The following EML1 variants were observed in gnomAD, a reference collection of about 807,000 sequenced individuals.
EML1 encodes the protein echinoderm microtubule-associated protein-like 1.
In EML1, 27 loss-of-function variants were observed where a neutral mutation model predicts 110.4. The ratio of observed to expected loss-of-function variants is 0.24; its 90% CI spans 0.18 to 0.34. The LOEUF is 0.34. Among genes scored for constraint, EML1 ranks in the 10% least tolerant of loss-of-function variants. EML1 has a pLI of 1.00. For synonymous variants in EML1, 344 were observed against 385.8 expected, an observed-to-expected ratio of 0.89 and a Z score of 1.27; for missense variants, 741 against 1,030.9, an observed-to-expected ratio of 0.72 and a Z score of 3.85.
chr14:99,888,177 C>T (rs1224700114), intron 4 of EML1, among the ~76,000 whole-genome samples: 1 of 152,232 alleles, frequency 6.6e-6, no homozygotes, highest in Admixed American at 6.5e-5. Context: ...CCTCCTCTCT[C>T]AATGACCTTA....
At position 99,936,422 on chromosome 14, in the gene EML1, C is replaced by T. The variant is rs944997846; in HGVS notation, c.2095+88C>T. On this transcript the variant is annotated intron_variant, in intron 19 of 21. Transcript: ENST00000262233. This position sits in a 1 kb window ranked among gnomAD's most constrained non-coding sequence, Gnocchi z 5.5. Reference sequence around the variant, plus strand: ...GGGGGCCTCTGTGAGAACCCACCTCCTGTATGACTTAGGCACGTGCCATCA... The same window carrying T: ...GGGGGCCTCTGTGAGAACCCACCTCTTGTATGACTTAGGCACGTGCCATCA... The T allele has an allele frequency of 8.2e-7, 1 of 1,223,178 alleles. No individual in the cohort carries two copies. Among genetic ancestry groups the T allele is most frequent in the Non-Finnish European group, 1.2e-6 (1 of 845,004 alleles). The allele number at this position is 1,223,178 out of a possible 1,614,324, so 75.8% of individuals were successfully genotyped here.
chr14:99,798,835 T>G (rs886701446), intron 1 of EML1, among the ~76,000 whole-genome samples: 2 of 152,194 alleles, frequency 1.3e-5, no homozygotes, highest in Non-Finnish European at 2.9e-5. Context: ...TAATTACCTT[T>G]TTTTTTTGAG....
At chr14:99,760,443 T>C (rs2057303145) in intron 1 of EML1, among the ~76,000 whole-genome samples, 1 of 151,976 alleles carries the variant, frequency 6.6e-6, no homozygotes, top group African/African-American at 2.4e-5. Flanking sequence ...GAACATGGAG[T>C]GAAATGTACT....
chr14:99,889,301 C>T (rs1388359893), intron 4 of EML1, among the ~76,000 whole-genome samples: 1 of 152,174 alleles, frequency 6.6e-6, no homozygotes. Flanking sequence ...CACCACCACC[C>T]ACCAGGCACA....
At position 99,883,084 on chromosome 14, in the gene EML1, C is replaced by G. The variant is rs1210880842; in HGVS notation, c.518+4465C>G. ...CACTGCTGCCGTCGGCTCAACAGTA[C>G]TCCTTGGCTGGGGCTCTGGGCCCTT... On this transcript the variant is annotated intron_variant, in intron 4 of 21. Transcript: ENST00000262233. Among the ~76,000 whole-genome samples the G allele has an allele frequency of 7.9e-5, 12 of 152,164 alleles. No individual in the cohort carries two copies. In the East Asian group the frequency reaches 2.3e-3, roughly 29 times the overall value.
In EML1 at chr14:99,758,433, C is replaced by T. The variant is rs148152425; in HGVS notation, c.28+20573C>T. Among the ~76,000 whole-genome samples the T allele has an allele frequency of 3.1e-3, 477 of 152,282 alleles. 1 individual carries two copies. Among genetic ancestry groups the T allele is most frequent in the Admixed American group, 5.0e-3 (76 of 15,300 alleles). ...GGGGAGGAGACCTGCCTCAGTACCC[C>T]GGGAAATGTTGCTGATGCACCCTGA... On this transcript the variant is annotated intron_variant, in intron 1 of 10. Coordinates refer to the EML1 transcript ENST00000554479.
intron 1 of EML1, among the ~76,000 whole-genome samples, chr14:99,810,003 A>G (rs2139710066): frequency 6.6e-6 from 1 of 152,304 alleles, no homozygotes; most frequent in East Asian, 1.9e-4. Context: ...CCGGCCCTGT[A>G]CCGCGTCTGG....
chr14:99,936,869 TGCCAC>T lies in EML1; in HGVS notation c.2095+538_2095+542del, dbSNP rs1566948277. On this transcript the variant is annotated intron_variant, in intron 19 of 21. Transcript: ENST00000262233. The surrounding 1 kb of genome is among the most constrained non-coding windows in gnomAD (Gnocchi z 5.5). ...GCGGGCACTTACAAGCACATCCTCA[TGCCAC>T]GCACTGGTTCCTTAGACACCCACCA... Among the ~76,000 whole-genome samples, 1 of 152,152 alleles carries T rather than the reference TGCCAC, an allele frequency of 6.6e-6. No individual in the cohort carries two copies. The highest frequency in any genetic ancestry group is 1.5e-5 in the Non-Finnish European group (1 of 68,012).
rs61986020 is a variant in EML1, at chr14:99,906,635, C to T, written c.1009-1003C>T. ...TCTTGTGCCAACCTCCTATCTCATT[C>T]TGTGACCTAGAATGCCTAACCATCT... On this transcript the variant is annotated intron_variant, in intron 9 of 21. Transcript: ENST00000262233. Among the ~76,000 whole-genome samples, 1,490 of 152,324 alleles carry T rather than the reference C, an allele frequency of 9.8e-3. 18 individuals are homozygous for T. The highest frequency in any genetic ancestry group is 0.017 in the Non-Finnish European group (1,134 of 68,022).
intron 1 of EML1, among the ~76,000 whole-genome samples, chr14:99,846,375 C>T (rs2058708698): frequency 6.6e-6 from 1 of 151,118 alleles, no homozygotes; most frequent in African/African-American, 2.4e-5. Flanking sequence ...CTTCACCTCC[C>T]AGGTTCAAGC....
rs1191247781 is a variant in EML1 at position 99,802,693 on chromosome 14, A to C, written c.67+9150A>C. On this transcript the variant is annotated intron_variant, in intron 1 of 21. Transcript: ENST00000262233. ...AGGTGGTTTGGGCTTGTGGGGTAGGAGGACATATGGGATACAAGCTGAGGT... is the reference window on the plus strand; with the variant it reads ...AGGTGGTTTGGGCTTGTGGGGTAGGCGGACATATGGGATACAAGCTGAGGT... Among the ~76,000 whole-genome samples the C allele has an allele frequency of 2.0e-5, 3 of 151,870 alleles. No individual in the cohort carries two copies. In the East Asian group the frequency reaches 5.8e-4, roughly 29 times the overall value.
At chr14:99,826,011 T>C (rs1485273294) in intron 1 of EML1, among the ~76,000 whole-genome samples, 2 of 152,062 alleles carry the variant, frequency 1.3e-5, no homozygotes, top group Non-Finnish European at 2.9e-5. Flanking sequence ...TGTACAACAG[T>C]AGGCAATTGT....
intron 9 of EML1, 127 bp from the exon 10 acceptor site, chr14:99,907,511 G>T: frequency 1.3e-6 from 1 of 784,048 alleles, no homozygotes; most frequent in Non-Finnish European, 2.0e-6. Context: ...AAAAGCAATG[G>T]ATGAGTATTC....
chr14:99,837,155 C>G (rs574787062), intron 1 of EML1, among the ~76,000 whole-genome samples: 2 of 152,210 alleles, frequency 1.3e-5, no homozygotes, highest in Non-Finnish European at 2.9e-5. Context: ...CCCCATTACC[C>G]TCTCTGCGAA....
chr14:99,940,112 G>A lies in EML1; in HGVS notation c.2448G>A (p.Ter816=), dbSNP rs149556284. The stretch of plus-strand genomic sequence containing the variant: ...GCATCATGCAGTGGCGCGTCATTTA[G>A]TACCCACCGAGAGCTGTGGGGAGCA... ...DTSIMQWRVI[*] is the part of the protein sequence containing the mutation. Residue 816 remains the stop codon, a stop_retained_variant, in exon 22 of 22, where the codon TAG becomes TAA. Coordinates refer to ENST00000262233, the MANE Select transcript of EML1 (RefSeq NM_004434.3). 8 of 1,575,452 alleles carry A rather than the reference G, an allele frequency of 5.1e-6. No individual in the cohort carries two copies. The African/African-American group carries it at 5.5e-5, about 11-fold the overall frequency.
intron 9 of EML1, 116 bp downstream of exon 9, chr14:99,901,155 T>G (rs939910277): frequency 2.3e-6 from 2 of 851,356 alleles, no homozygotes; most frequent in Non-Finnish European, 3.8e-6. Flanking sequence ...ATGTACAGAT[T>G]TGGACTCTGA....
At chr14:99,891,083 T>G in intron 4 of EML1, 116 bp from the exon 5 acceptor site, 1 of 1,182,186 alleles carries the variant, frequency 8.5e-7, no homozygotes, top group Non-Finnish European at 1.2e-6. Flanking sequence ...TTAACGTGTA[T>G]AACTTATGCA....
In EML1 at chr14:99,880,568, G is replaced by A. The variant is rs142194141; in HGVS notation, c.518+1949G>A. ...AATTTCTGTTTTTAAACATTACTGCGTTCAGTGGACTCAAGATGGCATGCC... is the reference window on the plus strand; with the variant it reads ...AATTTCTGTTTTTAAACATTACTGCATTCAGTGGACTCAAGATGGCATGCC... On this transcript the variant is annotated intron_variant, in intron 4 of 21. Coordinates refer to ENST00000262233, the MANE Select transcript of EML1 (RefSeq NM_004434.3). 1.7e-4 allele frequency among the ~76,000 whole-genome samples: 26 copies of A among 152,254 alleles called. No homozygotes were observed. In the East Asian group the frequency reaches 4.8e-3, roughly 28 times the overall value.
At chr14:99,873,696 A>G (rs2059242009) in intron 3 of EML1, among the ~76,000 whole-genome samples, 1 of 152,232 alleles carries the variant, frequency 6.6e-6, no homozygotes. Flanking sequence ...CTCCCAGACC[A>G]CTAGCCTTCC....
Sources: gnomAD v4.1 joint callset for allele counts (sites outside exome capture counted in the v4.1 genomes callset) on GRCh38, gnomAD v4.1.1 for gene constraint, Gnocchi (gnomAD v3.1) non-coding constraint, MANE v1.5 for transcripts, NCBI Gene and HGNC (gene_info 2026-07-23, HGNC 2026-07-21) for gene names.